ABCC10: variants seen among roughly 807,000 people sequenced by gnomAD.
ABCC10 encodes the protein ATP binding cassette subfamily C member 10.
Under a neutral mutation model 143.2 loss-of-function variants are expected in ABCC10, and 110 were observed. That is an observed-to-expected ratio of 0.77 (90% CI 0.66 to 0.90). ABCC10 has a LOEUF of 0.90. ABCC10 is among the 40% of genes least tolerant of loss of function. ABCC10 has a pLI of 0.00. For missense variants in ABCC10, 1,700 were observed against 1,900.5 expected (o/e 0.89, Z 1.96); for synonymous variants, 805 against 846.7 (o/e 0.95, Z 0.85).
At chr6:43,442,744 A>T (rs2127402492) in intron 9 of ABCC10, among the ~76,000 whole-genome samples, 1 of 151,614 alleles carries the variant, frequency 6.6e-6, no homozygotes, top group African/African-American at 2.4e-5. Context: ...AAAAAAAAAA[A>T]GTGTTATATG....
intron 1 of ABCC10, 23 bp from the exon 2 acceptor site, chr6:43,427,945 G>C: frequency 6.2e-7 from 1 of 1,611,314 alleles, no homozygotes; most frequent in Non-Finnish European, 8.5e-7. Flanking sequence ...CTGCACAGCC[G>C]TCACCCTCAA....
chr6:43,435,716 C>T, intron 4 of ABCC10, 35 bp from the exon 5 acceptor site: 1 of 1,608,592 alleles, frequency 6.2e-7, no homozygotes, highest in East Asian at 2.2e-5. Context: ...CCTTAGATAA[C>T]TCCTGGGGCT....
In ABCC10 at chr6:43,445,862, C is replaced by A; in HGVS notation, c.3294C>A (p.Leu1098=). Residue 1098 remains leucine, a synonymous_variant, in exon 15 of 22, where the codon CTC becomes CTA. Transcript: ENST00000372530. ...GGGAGCTGCGGCGCCTGGGCAGCCT[C>A]ACCCTGTCTCCACTGTATAGCCATC... is the stretch of plus-strand genomic sequence containing the variant. ...SSRELRRLGS[L]TLSPLYSHLA... The A allele has an allele frequency of 1.9e-6, 3 of 1,614,150 alleles. No homozygotes were observed. Among genetic ancestry groups the A allele is most frequent in the Non-Finnish European group, 1.7e-6 (2 of 1,180,044 alleles).
downstream of ABCC10, chr6:43,450,510 G>A: frequency 6.6e-7 from 1 of 1,526,436 alleles, no homozygotes; most frequent in Non-Finnish European, 8.8e-7. The surrounding 1 kb of genome is among the most constrained non-coding windows in gnomAD (Gnocchi z 4.5). Context: ...GAAGAGGTGA[G>A]GAAGGGGGCC....
At chr6:43,448,731 TGGTGGGGATGG>T in intron 18 of ABCC10, 139 bp from the exon 19 acceptor site, 1 of 940,726 alleles carries the variant, frequency 1.1e-6, no homozygotes, top group Non-Finnish European at 1.6e-6. Context: ...ACAGATCATT[TGGTGGGGATGG>T]GGTGGGGAGC....
chr6:43,436,037 G>GGGCAGGTAGATATGGGGCT, intron 5 of ABCC10, 101 bp from the exon 6 acceptor site: 1 of 1,603,202 alleles, frequency 6.2e-7, no homozygotes. Context: ...ATTTAGCTTT[G>GGGCAGGTAGATATGGGGCT]GGCAGGTAGA....
chr6:43,436,353 C>A, intron 6 of ABCC10, 106 bp downstream of exon 6: 2 of 1,372,074 alleles, frequency 1.5e-6, no homozygotes, highest in Admixed American at 2.0e-5. Context: ...GGCTCTGCAG[C>A]TCTAATTGCT....
chr6:43,450,963 C>T, downstream of ABCC10: 1 of 1,614,218 alleles, frequency 6.2e-7, no homozygotes, highest in Non-Finnish European at 8.5e-7. This position sits in a 1 kb window ranked among gnomAD's most constrained non-coding sequence, Gnocchi z 4.5. Flanking sequence ...GGTCTTGCCA[C>T]CATAGCCACT....
downstream of ABCC10, chr6:43,451,214 C>T (rs751646860): frequency 5.6e-6 from 9 of 1,614,060 alleles, no homozygotes; most frequent in East Asian, 2.2e-5. This position sits in a 1 kb window ranked among gnomAD's most constrained non-coding sequence, Gnocchi z 4.4. Context: ...AGCAGCGGCA[C>T]GTGAAGTTGA....
Position 43,443,416 on chromosome 6 carries a change from A to G in ABCC10, c.2416+257A>G. ...ACTTAAAGGCCCAGGGTCTCTGAGA[A>G]CATTCTCATATCTTCAGAGAAGAGA... On this transcript the variant is annotated intron_variant, in intron 10 of 21. Transcript: ENST00000372530. The surrounding 1 kb of genome is among the most constrained non-coding windows in gnomAD (Gnocchi z 4.2). 2.4e-6 allele frequency: 1 copy of G among 420,300 alleles called. No homozygotes were observed. The highest frequency in any genetic ancestry group is 4.2e-6 in the Non-Finnish European group (1 of 238,286). 26.0% of individuals were successfully genotyped at this position (420,300 alleles called of 1,614,324 possible).
At chr6:43,439,309 A>G (rs536458938) in intron 8 of ABCC10, among the ~76,000 whole-genome samples, 1 of 152,248 alleles carries the variant, frequency 6.6e-6, no homozygotes, top group South Asian at 2.1e-4. Context: ...ACCCAGGTAA[A>G]TGTGGAATGT....
chr6:43,433,853 A>G (rs775745598), intron 3 of ABCC10, among the ~76,000 whole-genome samples: 6 of 152,184 alleles, frequency 3.9e-5, no homozygotes, highest in African/African-American at 7.2e-5. Context: ...GGGGAAGGGA[A>G]TAGGTCACTT....
rs1275066549 is a variant in ABCC10, at chr6:43,450,290, C to T, written c.*199C>T. On this transcript the variant is annotated 3_prime_UTR_variant, in exon 22 of 22. Transcript: ENST00000372530. This position sits in a 1 kb window ranked among gnomAD's most constrained non-coding sequence, Gnocchi z 4.5. ...ATCCTGAGGCTTCCCCAGAACCAGG[C>T]CTCTGCTCTGGCCCTCTTGCATCTG... The T allele has an allele frequency of 2.4e-6, 2 of 848,952 alleles. No homozygotes were observed. Among genetic ancestry groups the T allele is most frequent in the Non-Finnish European group, 1.7e-6 (1 of 575,156 alleles). The allele number at this position is 848,952 out of a possible 1,614,324, so 52.6% of individuals were successfully genotyped here.
rs147700508 is a variant in ABCC10 at position 43,432,170 on chromosome 6, C to T, written c.190C>T (p.Pro64Ser). The change falls in exon 3 of 22, where the codon CCT (proline) becomes TCT (serine). Residue 64 changes from proline to serine, a missense_variant. Coordinates refer to ENST00000372530, the MANE Select transcript of ABCC10 (RefSeq NM_001198934.2). ...RSPDYILPCS[P>S]GWRLRLAASF... is the part of the protein sequence containing the mutation. ...TCCAGATTACATCCTACCCTGCAGT[C>T]CTGGATGGCGCCTCCGACTTGCAGC... 3 of 1,614,098 alleles carry T rather than the reference C, an allele frequency of 1.9e-6. No homozygotes were observed. In the African/African-American group the frequency reaches 4.0e-5, roughly 22 times the overall value.
In ABCC10 at chr6:43,444,278, G is replaced by C; in HGVS notation, c.2614G>C (p.Val872Leu). 1.2e-6 allele frequency: 2 copies of C among 1,614,134 alleles called. No individual in the cohort carries two copies. Among genetic ancestry groups the C allele is most frequent in the African/African-American group, 1.3e-5 (1 of 75,062 alleles). The change falls in exon 12 of 22, where the codon GTG becomes CTG. Residue 872 changes from valine (V) to leucine (L), a missense_variant. Physicochemically the swap from Val to Leu is conservative, Grantham distance 32 (BLOSUM62 1). Transcript: ENST00000372530. ...SKKEGAVALH[V>L]YQAYWKAVGQ... Reference sequence around the variant, plus strand: ...GAAGGAGGGCGCCGTGGCCTTGCACGTGTACCAAGCTTACTGGAAGGCCGT... The same window carrying C: ...GAAGGAGGGCGCCGTGGCCTTGCACCTGTACCAAGCTTACTGGAAGGCCGT...
At chr6:43,429,910 A>T (rs1023304328) in intron 2 of ABCC10, among the ~76,000 whole-genome samples, 3 of 152,134 alleles carry the variant, frequency 2.0e-5, no homozygotes, top group African/African-American at 7.2e-5. Flanking sequence ...ACTGCACTCC[A>T]GCCTGGACGA....
chr6:43,445,395 G>A (rs963647583), intron 14 of ABCC10, 81 bp downstream of exon 14: 13 of 1,481,170 alleles, frequency 8.8e-6, no homozygotes, highest in Non-Finnish European at 1.1e-5. Flanking sequence ...GGCTCCACTG[G>A]GGATGGGAGA....
In ABCC10 at chr6:43,432,542, G is replaced by C; in HGVS notation, c.562G>C (p.Gly188Arg). The change falls in exon 3 of 22, where the codon GGA becomes CGA. Residue 188 changes from glycine (G) to arginine (R), a missense_variant. Gly to Arg is a moderately radical substitution (Grantham distance 125). Coordinates refer to ENST00000372530, the MANE Select transcript of ABCC10 (RefSeq NM_001198934.2). ...QLAALLAYAL[G>R]WAAPGGPREP... Reference sequence around the variant, plus strand: ...GGCTGCACTCTTGGCCTATGCACTGGGATGGGCAGCTCCTGGGGGACCACG... The same window carrying C: ...GGCTGCACTCTTGGCCTATGCACTGCGATGGGCAGCTCCTGGGGGACCACG... 1 of 1,613,000 alleles carries C rather than the reference G, an allele frequency of 6.2e-7. No individual in the cohort carries two copies. Among genetic ancestry groups the C allele is most frequent in the Non-Finnish European group, 8.5e-7 (1 of 1,180,034 alleles).
intron 8 of ABCC10, among the ~76,000 whole-genome samples, chr6:43,440,978 C>T (rs1449105813): frequency 3.3e-5 from 5 of 151,914 alleles, no homozygotes; most frequent in Non-Finnish European, 5.9e-5. Flanking sequence ...TGGCTCACAC[C>T]TGTAGTCCTA....
Sources: allele counts gnomAD v4.1 joint callset (sites outside exome capture counted in the v4.1 genomes callset), GRCh38; gene constraint gnomAD v4.1.1; non-coding constraint Gnocchi (gnomAD v3.1); transcripts MANE v1.5; gene names NCBI Gene and HGNC (gene_info 2026-07-23, HGNC 2026-07-21).